The following PRKG1 variants were observed in gnomAD, a reference collection of about 807,000 sequenced individuals.
PRKG1 encodes cGMP-dependent protein kinase 1.
PRKG1 carries 35 observed loss-of-function variants against 88.1 expected under a neutral mutation model. That is an observed-to-expected ratio of 0.40 (90% confidence interval 0.30 to 0.53). The LOEUF is 0.53. Ranked by LOEUF, PRKG1 falls within the 20% of genes least tolerant of loss-of-function variation. PRKG1 has a pLI of 0.59. For missense variants in PRKG1, 540 were observed against 839.8 expected (o/e 0.64, Z 4.41); for synonymous variants, 303 against 292.5 (o/e 1.04, Z -0.37).
At chr10:51,715,052 T>A (rs1841854098) in intron 3 of PRKG1, among the ~76,000 whole-genome samples, 1 of 152,174 alleles carries the variant, frequency 6.6e-6, no homozygotes, top group South Asian at 2.1e-4. Context: ...GAGCTGTTCA[T>A]TGGTATATTC....
chr10:51,860,210 T>C (rs1218364692), intron 4 of PRKG1, among the ~76,000 whole-genome samples: 1 of 152,164 alleles, frequency 6.6e-6, no homozygotes, highest in Non-Finnish European at 1.5e-5. Context: ...GAAAGGTAAG[T>C]TTGTACTTTC....
intron 3 of PRKG1, among the ~76,000 whole-genome samples, chr10:51,507,384 G>T (rs747914322): frequency 6.6e-6 from 1 of 151,906 alleles, no homozygotes; most frequent in Non-Finnish European, 1.5e-5. Flanking sequence ...TTCCCAAATA[G>T]TTGGCTAAAT....
At chr10:51,552,954 T>C (rs1026706279) in intron 3 of PRKG1, among the ~76,000 whole-genome samples, 9 of 151,544 alleles carry the variant, frequency 5.9e-5, no homozygotes, top group Non-Finnish European at 8.9e-5. Context: ...TTGAGGAAGA[T>C]TGCATAACTA....
At chr10:51,735,239 T>A (rs1347322268) in intron 3 of PRKG1, among the ~76,000 whole-genome samples, 5 of 152,164 alleles carry the variant, frequency 3.3e-5, no homozygotes, top group African/African-American at 1.2e-4. Flanking sequence ...CTAGGGTCAA[T>A]GTGGAGAAGT....
chr10:52,081,480 C>A (rs1846773788), intron 7 of PRKG1: 5 of 425,030 alleles, frequency 1.2e-5, no homozygotes, highest in Admixed American at 7.5e-5. Context: ...CCTCACACCA[C>A]CTAGCTAAAA....
In PRKG1 at chr10:51,242,633, T is replaced by C. The variant is rs1179948207; in HGVS notation, c.478+89303T>C. On this transcript the variant is annotated intron_variant, in intron 2 of 17. Coordinates refer to ENST00000373980, the MANE Select transcript of PRKG1 (RefSeq NM_006258.4). Reference sequence around the variant, plus strand: ...AAACAAACATTAGACAAGTTAGTTATGTAACACTGGGATAAATGCAATTGC... The same window carrying C: ...AAACAAACATTAGACAAGTTAGTTACGTAACACTGGGATAAATGCAATTGC... Among the ~76,000 whole-genome samples, 3 of 152,190 alleles carry C rather than the reference T, an allele frequency of 2.0e-5. No individual in the cohort carries two copies. In the East Asian group the frequency reaches 5.8e-4, roughly 29 times the overall value.
intron 5 of PRKG1, among the ~76,000 whole-genome samples, chr10:51,999,127 T>C (rs2252101): frequency 0.34 from 52,419 of 152,148 alleles, 9,697 homozygotes; most frequent in Admixed American, 0.41. Flanking sequence ...AAGCAGCAGA[T>C]GTGAGCTTAT....
chr10:51,468,606 A>T (rs1413520590), intron 3 of PRKG1, among the ~76,000 whole-genome samples: 1 of 151,842 alleles, frequency 6.6e-6, no homozygotes, highest in Non-Finnish European at 1.5e-5. Context: ...TGTAAGGTTC[A>T]TTGCATCTTT....
At chr10:51,195,157 A>G (rs767688539) in intron 2 of PRKG1, among the ~76,000 whole-genome samples, 44 of 152,350 alleles carry the variant, frequency 2.9e-4, no homozygotes, top group Admixed American at 5.2e-4. Flanking sequence ...TGTTGTATTT[A>G]AAAAACAGTA....
chr10:51,125,115 C>T (rs928626518), intron 1 of PRKG1, among the ~76,000 whole-genome samples: 10 of 151,996 alleles, frequency 6.6e-5, no homozygotes, highest in South Asian at 6.2e-4. Flanking sequence ...CCCAGGAGTT[C>T]GAGAGCAGGT....
rs548857936 is a variant in PRKG1, at chr10:51,507,553, T to A, written c.592+39717T>A. Among the ~76,000 whole-genome samples, 138 of 152,204 alleles carry A rather than the reference T, an allele frequency of 9.1e-4. 4 individuals carry two copies. The highest frequency in any genetic ancestry group is 2.7e-3 in the South Asian group (13 of 4,820). On this transcript the variant is annotated intron_variant, in intron 3 of 17. Transcript: ENST00000373980. ...AGTACAGTGTTTCAGAGATGGAAAG[T>A]CCTTAGTTGCAGTTAAAGATTTTGT...
At chr10:52,104,851 C>A (rs934310781) in intron 7 of PRKG1, among the ~76,000 whole-genome samples, 1 of 152,152 alleles carries the variant, frequency 6.6e-6, no homozygotes, top group Non-Finnish European at 1.5e-5. Context: ...GTTCTACCTA[C>A]CCATTTGTGA....
chr10:51,967,835 A>AT (rs1843610308), intron 5 of PRKG1, among the ~76,000 whole-genome samples: 3 of 152,056 alleles, frequency 2.0e-5, no homozygotes, highest in Admixed American at 1.3e-4. Context: ...TGTGCCTTCC[A>AT]TATGCCTCAC....
chr10:51,265,904 G>A lies in PRKG1; in HGVS notation c.478+112574G>A, dbSNP rs879319886. Among the ~76,000 whole-genome samples the A allele has an allele frequency of 2.0e-5, 3 of 152,182 alleles. No homozygotes were observed. The South Asian group carries it at 6.2e-4, about 32-fold the overall frequency. On this transcript the variant is annotated intron_variant, in intron 2 of 17. Coordinates refer to ENST00000373980, the MANE Select transcript of PRKG1 (RefSeq NM_006258.4). ...ACTCATTCATTTGGAAAATGATTGG[G>A]TGTATTTAAGGAACTACAGTTTGTT...
intron 2 of PRKG1, among the ~76,000 whole-genome samples, chr10:51,301,198 T>C (rs1269050176): frequency 6.6e-6 from 1 of 152,208 alleles, no homozygotes; most frequent in African/African-American, 2.4e-5. Flanking sequence ...AAAGAAATCA[T>C]TGTGCTCTGC....
intron 3 of PRKG1, among the ~76,000 whole-genome samples, chr10:51,494,637 A>G (rs1589015602): frequency 6.6e-6 from 1 of 152,232 alleles, no homozygotes; most frequent in East Asian, 1.9e-4. Flanking sequence ...CTCACTAGTT[A>G]ATTGGAATAA....
At chr10:51,140,794 AGT>A (rs1434653089) in intron 1 of PRKG1, among the ~76,000 whole-genome samples, 1 of 152,056 alleles carries the variant, frequency 6.6e-6, no homozygotes, top group Non-Finnish European at 1.5e-5. Flanking sequence ...CTGTGTGCAG[AGT>A]GTGTGTCCAG....
intron 7 of PRKG1, among the ~76,000 whole-genome samples, chr10:52,110,047 T>C (rs1847521091): frequency 1.3e-5 from 2 of 151,794 alleles, no homozygotes; most frequent in Admixed American, 6.6e-5. Context: ...CAACACTCTT[T>C]AGAAGACCTG....
intron 10 of PRKG1, among the ~76,000 whole-genome samples, chr10:52,265,477 A>T (rs1389884655): frequency 6.6e-6 from 1 of 152,124 alleles, no homozygotes; most frequent in African/African-American, 2.4e-5. Context: ...ACGAGCTCTT[A>T]ATAACAAGGT....
Sources: allele counts gnomAD v4.1 joint callset (sites outside exome capture counted in the v4.1 genomes callset), GRCh38; gene constraint gnomAD v4.1.1; transcripts MANE v1.5; gene names NCBI Gene and HGNC (gene_info 2026-07-23, HGNC 2026-07-21).